Variants in FAF1 observed in about 807,000 individuals in gnomAD.
FAF1 encodes FAS-associated factor 1.
In FAF1, 25 loss-of-function variants were observed where a neutral mutation model predicts 92.5. The observed-to-expected ratio is 0.27, with a 90% CI of 0.20 to 0.38. The LOEUF (loss-of-function observed/expected upper bound fraction) is 0.38, where lower values mean the gene tolerates loss of function less well. Ranked by LOEUF, FAF1 falls within the 10% of genes least tolerant of loss-of-function variation. FAF1 has a pLI of 1.00. For synonymous variants in FAF1, 234 were observed against 273.2 expected (o/e 0.86, Z 1.42); for missense variants, 636 against 793.3 (o/e 0.80, Z 2.38).
At chr1:50,725,238 T>G (rs1222665515) in intron 6 of FAF1, among the ~76,000 whole-genome samples, 1 of 152,136 alleles carries the variant, frequency 6.6e-6, no homozygotes, top group East Asian at 1.9e-4. Flanking sequence ...GAGCCTCTAT[T>G]TTTTGGTAGG....
intron 15 of FAF1, among the ~76,000 whole-genome samples, chr1:50,493,015 C>T (rs944379706): frequency 6.7e-6 from 1 of 150,090 alleles, no homozygotes; most frequent in Non-Finnish European, 1.5e-5. Flanking sequence ...TTTCAGTCAT[C>T]GATTAAAGGA....
At chr1:50,503,495 T>C (rs1434578551) in intron 15 of FAF1, among the ~76,000 whole-genome samples, 1 of 151,802 alleles carries the variant, frequency 6.6e-6, no homozygotes, top group Non-Finnish European at 1.5e-5. Flanking sequence ...GTAGTGTGTG[T>C]CTGTAGTCCC....
chr1:50,865,706 G>C (rs1161070688), intron 1 of FAF1, among the ~76,000 whole-genome samples: 1 of 94,546 alleles, frequency 1.1e-5, no homozygotes, highest in Admixed American at 1.3e-4. Flanking sequence ...GGGGAGGGGG[G>C]AGGGATAGCT....
intron 15 of FAF1, among the ~76,000 whole-genome samples, chr1:50,496,873 G>A (rs1375081674): frequency 1.4e-5 from 2 of 145,312 alleles, no homozygotes; most frequent in Non-Finnish European, 3.0e-5. Context: ...TGGGCAACAA[G>A]AGTCAAACTC....
In FAF1 at chr1:50,483,963, C is replaced by T. The variant is rs138638489; in HGVS notation, c.1653+6625G>A. Among the ~76,000 whole-genome samples the T allele has an allele frequency of 3.9e-5, 6 of 152,220 alleles. No homozygotes were observed. In the East Asian group the frequency reaches 1.2e-3, roughly 29 times the overall value. ...TATTAAGTTTCTGATGTATATGAGA[C>T]ATCTAAGTAGACATGATGGGCCAGC... On this transcript the variant is annotated intron_variant, in intron 17 of 18. Transcript: ENST00000396153.
intron 9 of FAF1, among the ~76,000 whole-genome samples, chr1:50,586,354 A>G (rs1651231766): frequency 6.6e-6 from 1 of 152,108 alleles, no homozygotes; most frequent in Non-Finnish European, 1.5e-5. Context: ...GGACCCCATG[A>G]AACACTTTTT....
chr1:50,731,792 G>A (rs530364432), intron 6 of FAF1, among the ~76,000 whole-genome samples: 14 of 152,200 alleles, frequency 9.2e-5, no homozygotes, highest in African/African-American at 3.4e-4. Context: ...TCTGATGTTT[G>A]CTATTATGAC....
chr1:50,547,965 G>C (rs550416836), intron 13 of FAF1, among the ~76,000 whole-genome samples: 1 of 152,236 alleles, frequency 6.6e-6, no homozygotes, highest in East Asian at 1.9e-4. Context: ...CTCAAGTGTT[G>C]ATCATAGACT....
At chr1:50,783,261 T>A (rs1009192017) in intron 4 of FAF1, among the ~76,000 whole-genome samples, 1 of 152,076 alleles carries the variant, frequency 6.6e-6, no homozygotes, top group Non-Finnish European at 1.5e-5. Context: ...GATGGTAACA[T>A]TAGGGCATGT....
intron 4 of FAF1, among the ~76,000 whole-genome samples, chr1:50,756,187 T>A (rs1660067167): frequency 6.6e-6 from 1 of 152,200 alleles, no homozygotes. Flanking sequence ...TAAAACTGAA[T>A]GCCTTTAACA....
At chr1:50,540,539 T>C (rs1456051009) in intron 13 of FAF1, among the ~76,000 whole-genome samples, 1 of 152,246 alleles carries the variant, frequency 6.6e-6, no homozygotes, top group South Asian at 2.1e-4. Flanking sequence ...AATTCTAAGC[T>C]TTTGACCAAA....
intron 8 of FAF1, among the ~76,000 whole-genome samples, chr1:50,654,686 G>T (rs947348215): frequency 2.0e-5 from 3 of 152,112 alleles, no homozygotes; most frequent in African/African-American, 7.2e-5. Context: ...TATGAAAAAG[G>T]TAGTTTTAAA....
At chr1:50,822,981 T>C (rs181500023) in intron 2 of FAF1, among the ~76,000 whole-genome samples, 9 of 152,140 alleles carry the variant, frequency 5.9e-5, no homozygotes, top group Non-Finnish European at 1.2e-4. Flanking sequence ...TCCACGTTGG[T>C]GAGGCTGGTC....
intron 1 of FAF1, among the ~76,000 whole-genome samples, chr1:50,929,201 T>C (rs2124742235): frequency 6.6e-6 from 1 of 152,124 alleles, no homozygotes; most frequent in East Asian, 1.9e-4. Context: ...ACTCTCAAAG[T>C]ATATCCCACA....
chr1:50,728,147 G>A (rs772145340), intron 6 of FAF1, among the ~76,000 whole-genome samples: 2 of 152,110 alleles, frequency 1.3e-5, no homozygotes, highest in Admixed American at 6.5e-5. Context: ...TGCACGGTAG[G>A]GATAAAGCAA....
chr1:50,637,681 A>ATATATGTGTGTG (rs1553123409), intron 8 of FAF1, among the ~76,000 whole-genome samples: 11 of 137,156 alleles, frequency 8.0e-5, no homozygotes, highest in Admixed American at 4.4e-4. Context: ...ACATATATAT[A>ATATATGTGTGTG]TGTGTGTGTG....
At chr1:50,950,013 T>C (rs1190254620) in intron 1 of FAF1, among the ~76,000 whole-genome samples, 1 of 151,508 alleles carries the variant, frequency 6.6e-6, no homozygotes, top group African/African-American at 2.4e-5. Context: ...AAAAAATTTA[T>C]TTTTTTTTGT....
At chr1:50,619,340 T>C (rs999368122) in intron 8 of FAF1, among the ~76,000 whole-genome samples, 2 of 152,242 alleles carry the variant, frequency 1.3e-5, no homozygotes, top group Admixed American at 6.5e-5. Context: ...CTGTGGGCTA[T>C]GTGCTTAAGT....
chr1:50,907,220 C>T lies in FAF1; in HGVS notation c.46-49223G>A, dbSNP rs112123418. On this transcript the variant is annotated intron_variant, in intron 1 of 18. Transcript: ENST00000396153. ...TAAGTTGAACCAGCCTTGCATCCTA[C>T]GGATGAAGACAACTTGATCGTGGTG... is the stretch of plus-strand genomic sequence containing the variant. Among the ~76,000 whole-genome samples, 408 of 152,232 alleles carry T rather than the reference C, an allele frequency of 2.7e-3. 3 individuals carry two copies. The highest frequency in any genetic ancestry group is 0.015 in the South Asian group (70 of 4,816).
Sources: allele counts gnomAD v4.1 joint callset (sites outside exome capture counted in the v4.1 genomes callset), GRCh38; gene constraint gnomAD v4.1.1; transcripts MANE v1.5; gene names NCBI Gene and HGNC (gene_info 2026-07-23, HGNC 2026-07-21).